IPP: variants seen among roughly 807,000 people sequenced by gnomAD.
IPP encodes actin-binding protein IPP.
IPP carries 41 observed loss-of-function variants against 64.1 expected under a neutral mutation model. The ratio of observed to expected loss-of-function variants is 0.64; its 90% confidence interval spans 0.50 to 0.83. IPP has a LOEUF of 0.83. Among genes scored for constraint, IPP ranks in the 40% least tolerant of loss-of-function variants. The probability of loss-of-function intolerance (pLI) is 0.00; values close to 1 mark genes in which losing one functional copy is unlikely to be tolerated. For synonymous variants in IPP, 214 were observed against 235.2 expected, an observed-to-expected ratio of 0.91 and a Z score of 0.83; for missense variants, 649 against 703.0, an observed-to-expected ratio of 0.92 and a Z score of 0.87.
chr1:45,738,521 T>C (rs1039843332), intron 3 of IPP, among the ~76,000 whole-genome samples: 10 of 152,012 alleles, frequency 6.6e-5, no homozygotes, highest in South Asian at 2.1e-4. Flanking sequence ...ATCAATAATA[T>C]ATATTAAATA....
intron 2 of IPP, among the ~76,000 whole-genome samples, chr1:45,742,602 T>C (rs1316845083): frequency 6.6e-6 from 1 of 152,142 alleles, no homozygotes; most frequent in Non-Finnish European, 1.5e-5. Context: ...GGCGCAATCT[T>C]GGCCCACTGC....
In IPP at chr1:45,729,681, A is replaced by T. The variant is rs202073552; in HGVS notation, c.813T>A (p.Phe271Leu). 2.2e-5 allele frequency: 35 copies of T among 1,612,650 alleles called. No individual in the cohort carries two copies. The highest frequency in any genetic ancestry group is 2.8e-5 in the Non-Finnish European group (33 of 1,179,026). The change falls in exon 4 of 9, where the codon TTT becomes TTA. Residue 271 changes from phenylalanine (F) to leucine (L), a missense_variant. Phe to Leu is a conservative substitution (Grantham distance 22). Coordinates refer to ENST00000396478, the MANE Select transcript of IPP (RefSeq NM_005897.3). ...CCTTAGATGTCTGCAGAAAACTACA[A>T]AACTTGTTCTCTTTGGGAGATTTGC... is the stretch of plus-strand genomic sequence containing the variant. Reference protein sequence around the residue: ...EVCKSPKENKFCSFLQTSKVR... With the variant: ...EVCKSPKENKLCSFLQTSKVR...
At chr1:45,727,402 A>G (rs1645843356) in intron 5 of IPP, among the ~76,000 whole-genome samples, 1 of 152,114 alleles carries the variant, frequency 6.6e-6, no homozygotes, top group South Asian at 2.1e-4. Context: ...AAATCACAGA[A>G]TTCATCTGAT....
At chr1:45,695,300 G>A (rs546895948), downstream of IPP, among the ~76,000 whole-genome samples, 1 of 152,242 alleles carries the variant, frequency 6.6e-6, no homozygotes, top group South Asian at 2.1e-4. Context: ...GAGTAGCTGG[G>A]ACTACAGTTG....
chr1:45,737,832 C>A (rs1007818644), intron 3 of IPP, among the ~76,000 whole-genome samples: 4 of 152,066 alleles, frequency 2.6e-5, no homozygotes, highest in Non-Finnish European at 5.9e-5. Context: ...ATGCCTAGGT[C>A]ATTCACCTCA....
In IPP at chr1:45,699,977, C is replaced by T. The variant is rs751094558; in HGVS notation, c.1744G>A (p.Ala582Thr). The T allele has an allele frequency of 1.9e-6, 3 of 1,614,158 alleles. No individual in the cohort carries two copies. The South Asian group carries it at 3.3e-5, about 18-fold the overall frequency. ...TTATGCTTTATATTTCATAGCACAG[C>T]AACGCCCCCTTCACAACGACTGGTG... ...MITSRCEGGV[A>T]VL The change falls in exon 9 of 9, where the codon GCT (alanine) becomes ACT (threonine). Residue 582 changes from alanine to threonine, a missense_variant. Physicochemically the swap from Ala to Thr is moderately conservative, Grantham distance 58 (BLOSUM62 0). Coordinates refer to ENST00000396478, the MANE Select transcript of IPP (RefSeq NM_005897.3).
downstream of IPP, among the ~76,000 whole-genome samples, chr1:45,695,224 G>A (rs1645376628): frequency 6.6e-6 from 1 of 152,166 alleles, no homozygotes; most frequent in Non-Finnish European, 1.5e-5. Flanking sequence ...GAGTGTAGTG[G>A]TGTGGTCATG....
chr1:45,700,047 A>C lies in IPP; in HGVS notation c.1674T>G (p.Val558=). 2 of 1,614,174 alleles carry C rather than the reference A, an allele frequency of 1.2e-6. No homozygotes were observed. ...TCCATGTATCTGAATGAGGGTTATA[A>C]ACTTCAACTGAGTCCAAGGTACCTG... ...LAPGTLDSVE[V]YNPHSDTWTE... is the part of the protein sequence containing the mutation. Residue 558 remains valine, a synonymous_variant, in exon 9 of 9, where the codon GTT becomes GTG. Transcript: ENST00000396478.
chr1:45,748,862 C>T (rs563790069), intron 1 of IPP, among the ~76,000 whole-genome samples: 2 of 150,882 alleles, frequency 1.3e-5, no homozygotes, highest in African/African-American at 4.9e-5. Flanking sequence ...ATCCCAGTGA[C>T]GTGGGCGGCT....
At chr1:45,723,127 CTTAAT>C (rs1397336203) in intron 5 of IPP, among the ~76,000 whole-genome samples, 3 of 152,034 alleles carry the variant, frequency 2.0e-5, no homozygotes, top group African/African-American at 7.3e-5. Context: ...TGAATTATAT[CTTAAT>C]TTAAAAAACC....
rs1408030152 is a variant in IPP, at chr1:45,748,399, G to A, written c.-50-1938C>T. ...GAGGGTGAAAGGGGCTGGGCACAGT[G>A]GCTCATACCTGTAAGCCCAGATTTT... On this transcript the variant is annotated intron_variant, in intron 1 of 8. Transcript: ENST00000396478. Among the ~76,000 whole-genome samples the A allele has an allele frequency of 2.0e-5, 3 of 152,174 alleles. No homozygotes were observed. In the East Asian group the frequency reaches 5.8e-4, roughly 29 times the overall value.
At chr1:45,733,125 A>T (rs978626097) in intron 3 of IPP, among the ~76,000 whole-genome samples, 2 of 152,138 alleles carry the variant, frequency 1.3e-5, no homozygotes, top group African/African-American at 4.8e-5. Flanking sequence ...TTAGATATTC[A>T]ATCAGAAAAA....
intron 8 of IPP, among the ~76,000 whole-genome samples, chr1:45,709,566 T>C (rs1645562850): frequency 6.6e-6 from 1 of 151,296 alleles, no homozygotes. Context: ...CATTCTCAAC[T>C]GGGCACGGTG....
chr1:45,738,667 T>C (rs919947432), intron 3 of IPP, among the ~76,000 whole-genome samples: 1 of 151,448 alleles, frequency 6.6e-6, no homozygotes, highest in Non-Finnish European at 1.5e-5. Context: ...GGTGAAACCC[T>C]GTCTCTACTA....
chr1:45,734,897 A>G (rs1330609342), intron 3 of IPP, among the ~76,000 whole-genome samples: 3 of 152,148 alleles, frequency 2.0e-5, no homozygotes, highest in African/African-American at 4.8e-5. Flanking sequence ...CTCCTGCCTC[A>G]GCCTCCCAAG....
intron 1 of IPP, among the ~76,000 whole-genome samples, chr1:45,747,529 T>G (rs1221835721): frequency 6.6e-6 from 1 of 152,114 alleles, no homozygotes. Context: ...TCTAAATTAC[T>G]TTTTAAATAA....
chr1:45,716,396 T>G (rs552077683), intron 7 of IPP, among the ~76,000 whole-genome samples: 1 of 152,166 alleles, frequency 6.6e-6, no homozygotes, highest in Admixed American at 6.5e-5. Flanking sequence ...AGGTGTGTAG[T>G]AACATGCCCA....
intron 2 of IPP, among the ~76,000 whole-genome samples, chr1:45,744,416 C>T (rs1646107204): frequency 6.6e-6 from 1 of 152,166 alleles, no homozygotes; most frequent in Non-Finnish European, 1.5e-5. Context: ...TGGGGTCTCA[C>T]TCTGTCTCCC....
chr1:45,696,815 T>A (rs1173667701), downstream of IPP: 1 of 152,210 alleles, frequency 6.6e-6, no homozygotes, highest in Admixed American at 6.5e-5. Context: ...ATCTTGTCAT[T>A]ACCTAGGAAT....
Sources: allele counts gnomAD v4.1 joint callset (sites outside exome capture counted in the v4.1 genomes callset), GRCh38; gene constraint gnomAD v4.1.1; transcripts MANE v1.5; gene names NCBI Gene and HGNC (gene_info 2026-07-23, HGNC 2026-07-21).